LUZP2: variants seen among roughly 807,000 people sequenced by gnomAD.
LUZP2 encodes the protein leucine zipper protein 2.
LUZP2 carries 52 observed loss-of-function variants against 51.6 expected under a neutral mutation model. The observed-to-expected ratio is 1.01, with a 90% CI of 0.81 to 1.27. The LOEUF (loss-of-function observed/expected upper bound fraction) is 1.27. Ranked by LOEUF, LUZP2 falls within the 50% of genes most tolerant of loss-of-function variation. The probability of loss-of-function intolerance (pLI) is 0.00; values close to 1 mark genes in which losing one functional copy is unlikely to be tolerated. For missense variants in LUZP2, 436 were observed against 395.4 expected (o/e 1.10, Z -0.87); for synonymous variants, 154 against 137.3 (o/e 1.12, Z -0.85).
chr11:24,919,477 T>A (rs1212469935), intron 7 of LUZP2, among the ~76,000 whole-genome samples: 2 of 134,862 alleles, frequency 1.5e-5, no homozygotes, highest in Admixed American at 8.0e-5. Context: ...TGTTATATAT[T>A]ATATATAATA....
At chr11:24,927,082 ATTTT>A (rs1854301394) in intron 7 of LUZP2, among the ~76,000 whole-genome samples, 1 of 149,032 alleles carries the variant, frequency 6.7e-6, no homozygotes, top group Non-Finnish European at 1.5e-5. Context: ...TCTTAGCCAA[ATTTT>A]GATGGGATCT....
In LUZP2 at chr11:24,947,897, G is replaced by A. The variant is rs1345037022; in HGVS notation, c.523-28694G>A. On this transcript the variant is annotated intron_variant, in intron 7 of 11. Coordinates refer to ENST00000336930, the MANE Select transcript of LUZP2 (RefSeq NM_001009909.4). ...GCTGCTTTCTAAATGTTCTTCTAAT[G>A]ATTGCCTTTCAACACTTTGACTGTG... Among the ~76,000 whole-genome samples, 5 of 151,838 alleles carry A rather than the reference G, an allele frequency of 3.3e-5. No homozygotes were observed. In the East Asian group the frequency reaches 7.7e-4, roughly 23 times the overall value.
intron 1 of LUZP2, among the ~76,000 whole-genome samples, chr11:24,648,151 C>T (rs373560412): frequency 1.3e-5 from 2 of 151,868 alleles, no homozygotes; most frequent in African/African-American, 4.8e-5. Context: ...ATCTTTATTT[C>T]GATATTCCTA....
At chr11:24,951,107 A>G (rs1855064801) in intron 7 of LUZP2, among the ~76,000 whole-genome samples, 1 of 151,556 alleles carries the variant, frequency 6.6e-6, no homozygotes, top group Admixed American at 6.6e-5. Flanking sequence ...CAACATAATA[A>G]CTGGGAATAA....
intron 1 of LUZP2, among the ~76,000 whole-genome samples, chr11:24,527,327 A>T (rs1477892149): frequency 6.6e-6 from 1 of 151,372 alleles, no homozygotes; most frequent in African/African-American, 2.4e-5. Flanking sequence ...ATGAATTTCT[A>T]TAAGGGAAGT....
chr11:24,516,926 A>G (rs964300177), intron 1 of LUZP2, among the ~76,000 whole-genome samples: 1 of 152,190 alleles, frequency 6.6e-6, no homozygotes, highest in Non-Finnish European at 1.5e-5. Flanking sequence ...TTATTTTTAC[A>G]TACTCAAGAA....
At chr11:24,705,501 C>T (rs1052674791) in intron 1 of LUZP2, among the ~76,000 whole-genome samples, 9 of 152,148 alleles carry the variant, frequency 5.9e-5, no homozygotes, top group African/African-American at 2.2e-4. Context: ...ATTAGACTTT[C>T]CTCTGTACAT....
intron 9 of LUZP2, among the ~76,000 whole-genome samples, chr11:25,031,054 C>T (rs1436677367): frequency 4.8e-5 from 6 of 125,730 alleles, no homozygotes; most frequent in Admixed American, 9.3e-5. Flanking sequence ...ACTCTGTTAC[C>T]CAGGCTGGAG....
At chr11:24,679,217 A>G (rs1220252250) in intron 1 of LUZP2, among the ~76,000 whole-genome samples, 1 of 152,154 alleles carries the variant, frequency 6.6e-6, no homozygotes, top group Non-Finnish European at 1.5e-5. Flanking sequence ...TCTGATCTTT[A>G]TTGCTTTATT....
intron 9 of LUZP2, among the ~76,000 whole-genome samples, chr11:25,026,714 T>G (rs1161600827): frequency 4.6e-5 from 7 of 152,108 alleles, no homozygotes. Flanking sequence ...TATGATACAG[T>G]GTACACAGTG....
At chr11:24,534,175 A>T (rs1014888961) in intron 1 of LUZP2, among the ~76,000 whole-genome samples, 5 of 151,228 alleles carry the variant, frequency 3.3e-5, no homozygotes, top group African/African-American at 1.2e-4. Flanking sequence ...CATCAAGTTG[A>T]TGTTTAGAAT....
chr11:24,911,774 G>A (rs1470660822), intron 6 of LUZP2, among the ~76,000 whole-genome samples: 1 of 152,090 alleles, frequency 6.6e-6, no homozygotes, highest in Non-Finnish European at 1.5e-5. Context: ...GAGTCACTTG[G>A]GAAGCTGTGT....
chr11:25,079,260 G>C lies in LUZP2; in HGVS notation c.*602G>C, dbSNP rs1403249495. On this transcript the variant is annotated 3_prime_UTR_variant, in exon 12 of 12. Transcript: ENST00000336930. ...CTAACATAATTCATTAAGTATGTTT[G>C]GCATCATATGGACAAAATATTTGGA... 1 of 152,152 alleles carries C rather than the reference G, an allele frequency of 6.6e-6. No homozygotes were observed. The highest frequency in any genetic ancestry group is 2.4e-5 in the African/African-American group (1 of 41,430). 9.4% of individuals were successfully genotyped at this position (152,152 alleles called of 1,614,324 possible).
Position 25,078,818 on chromosome 11 carries a change from A to G in LUZP2, c.*160A>G, listed in dbSNP as rs1859394971. On this transcript the variant is annotated 3_prime_UTR_variant, in exon 12 of 12. Coordinates refer to ENST00000336930, the MANE Select transcript of LUZP2 (RefSeq NM_001009909.4). The stretch of plus-strand genomic sequence containing the variant: ...ACACATTTTCAAAGATTCCAGACCA[A>G]TTATGATCCTTAAGCAATAACCTCA... 1.0e-5 allele frequency: 6 copies of G among 596,390 alleles called. No homozygotes were observed. Among genetic ancestry groups the G allele is most frequent in the Middle Eastern group, 9.0e-4 (2 of 2,214 alleles). 36.9% of individuals were successfully genotyped at this position (596,390 alleles called of 1,614,324 possible).
At position 24,817,868 on chromosome 11, in the gene LUZP2, G is replaced by T. The variant is rs551651539; in HGVS notation, c.396+54560G>T. 3.3e-5 allele frequency among the ~76,000 whole-genome samples: 5 copies of T among 152,074 alleles called. No individual in the cohort carries two copies. The East Asian group carries it at 9.7e-4, about 29-fold the overall frequency. On this transcript the variant is annotated intron_variant, in intron 5 of 11. Transcript: ENST00000336930. ...TCCCAGGGGTAGCCTGTCATACACT[G>T]TGTAATATTTTCATGTATTATGAAC...
Position 24,983,240 on chromosome 11 carries a change from C to T in LUZP2, c.712C>T (p.Leu238Phe). ...LITSNPTRML[L>F]PPRNIASKLP... The stretch of plus-strand genomic sequence containing the variant: ...CACATCAAATCCAACTCGGATGTTA[C>T]TCCCACCCAGGAATATTGCCTCTAA... The change falls in exon 9 of 12, where the codon CTC becomes TTC. Residue 238 changes from leucine (L) to phenylalanine (F), a missense_variant. Coordinates refer to ENST00000336930, the MANE Select transcript of LUZP2 (RefSeq NM_001009909.4). 1.2e-6 allele frequency: 2 copies of T among 1,612,258 alleles called. No homozygotes were observed. Among genetic ancestry groups the T allele is most frequent in the Non-Finnish European group, 1.7e-6 (2 of 1,178,844 alleles).
chr11:25,066,967 A>G (rs560976346), intron 10 of LUZP2, among the ~76,000 whole-genome samples: 1 of 152,116 alleles, frequency 6.6e-6, no homozygotes, highest in African/African-American at 2.4e-5. Flanking sequence ...TTGAACCTAC[A>G]TATGGCAATT....
At chr11:24,804,698 G>T (rs1256369652) in intron 5 of LUZP2, among the ~76,000 whole-genome samples, 2 of 152,176 alleles carry the variant, frequency 1.3e-5, no homozygotes, top group Non-Finnish European at 2.9e-5. Context: ...TTAGAGAAAG[G>T]TCAGAAAATT....
chr11:24,717,449 C>T (rs1162474512), intron 1 of LUZP2, among the ~76,000 whole-genome samples: 1 of 149,154 alleles, frequency 6.7e-6, no homozygotes, highest in Non-Finnish European at 1.5e-5. Context: ...TGCCTTGTCG[C>T]CCAGGTGGAA....
Sources: gnomAD v4.1 joint callset for allele counts (sites outside exome capture counted in the v4.1 genomes callset) on GRCh38, gnomAD v4.1.1 for gene constraint, MANE v1.5 for transcripts, NCBI Gene and HGNC (gene_info 2026-07-23, HGNC 2026-07-21) for gene names.